FAM178B: variants seen among roughly 807,000 people sequenced by gnomAD.
FAM178B encodes the protein protein FAM178B.
FAM178B carries 82 observed loss-of-function variants against 91.7 expected under a neutral mutation model. The ratio of observed to expected loss-of-function variants is 0.89; its 90% CI spans 0.75 to 1.07. FAM178B has a LOEUF of 1.07. Among genes scored for constraint, FAM178B ranks in the 50% least tolerant of loss-of-function variants. The probability of loss-of-function intolerance (pLI) is 0.00; values close to 1 mark genes in which losing one functional copy is unlikely to be tolerated. For synonymous variants in FAM178B, 368 were observed against 359.4 expected, an observed-to-expected ratio of 1.02 and a Z score of -0.27; for missense variants, 769 against 846.7, an observed-to-expected ratio of 0.91 and a Z score of 1.14.
intron 14 of FAM178B, among the ~76,000 whole-genome samples, chr2:96,887,531 C>T (rs564042481): frequency 2.4e-4 from 37 of 152,262 alleles, no homozygotes; most frequent in African/African-American, 8.9e-4. Flanking sequence ...GTCTGGGCTC[C>T]GCAGGAAGGA....
intron 3 of FAM178B, 82 bp downstream of exon 3, chr2:96,971,819 G>C: frequency 7.6e-7 from 1 of 1,308,856 alleles, no homozygotes; most frequent in Non-Finnish European, 1.0e-6. Flanking sequence ...TGGCTCAGGA[G>C]AGGGTGGCCT....
At position 96,947,815 on chromosome 2, in the gene FAM178B, G is replaced by C. The variant is rs1234238802; in HGVS notation, c.1078+3C>G. ...AATCTCCACCCTGCATCCCAGTACT[G>C]ACCAGGCTGAAGGAAGATTCCATCC... On this transcript the variant is annotated splice_donor_region_variant and intron_variant, in intron 8 of 16. Transcript: ENST00000490605. The C allele has an allele frequency of 8.6e-5, 131 of 1,527,640 alleles. No individual in the cohort carries two copies. The highest frequency in any genetic ancestry group is 1.2e-4 in the Non-Finnish European group (130 of 1,125,566). 94.6% of individuals were successfully genotyped at this position (1,527,640 alleles called of 1,614,324 possible). A position where few individuals can be genotyped will look rare whatever the true frequency, so the allele number is the denominator to read the frequency against.
intron 5 of FAM178B, among the ~76,000 whole-genome samples, chr2:96,963,509 G>A (rs989023973): frequency 9.9e-5 from 15 of 152,232 alleles, no homozygotes; most frequent in Admixed American, 3.3e-4. Context: ...CATGTGGGAC[G>A]TCATGGCCGG....
At position 96,972,157 on chromosome 2, in the gene FAM178B, C is replaced by T. The variant is rs1226945896; in HGVS notation, c.308G>A (p.Gly103Glu). ...SPKKPKIQAP[G>E]ETFPTDWSPP... ...GCTCCAGTCAGTGGGAAACGTTTCC[C>T]CAGGTGCCTGTATCTTGGGCTTCTT... The change falls in exon 3 of 17, where the codon GGG becomes GAG. Residue 103 changes from glycine to glutamate, a missense_variant. By Grantham distance (98) the Gly-to-Glu change is moderately conservative (BLOSUM62 -2). Transcript: ENST00000490605. 6.5e-6 allele frequency: 10 copies of T among 1,543,622 alleles called. No homozygotes were observed. Among genetic ancestry groups the T allele is most frequent in the Non-Finnish European group, 8.7e-6 (10 of 1,143,428 alleles).
At chr2:96,884,697 A>G (rs2080473502) in intron 14 of FAM178B, among the ~76,000 whole-genome samples, 1 of 152,184 alleles carries the variant, frequency 6.6e-6, no homozygotes, top group African/African-American at 2.4e-5. Flanking sequence ...CGAGGCTGCC[A>G]TGTCTTCCCT....
intron 6 of FAM178B, among the ~76,000 whole-genome samples, chr2:96,958,646 C>T (rs1457404614): frequency 1.6e-5 from 2 of 125,834 alleles, no homozygotes; most frequent in South Asian, 2.6e-4. Flanking sequence ...GCCGAGATGG[C>T]GCCACTGCAC....
At chr2:96,916,531 A>C (rs1452283224) in intron 12 of FAM178B, among the ~76,000 whole-genome samples, 1 of 152,216 alleles carries the variant, frequency 6.6e-6, no homozygotes, top group Non-Finnish European at 1.5e-5. Flanking sequence ...CTTTCAGTAG[A>C]GTGCAAGCAG....
intron 9 of FAM178B, among the ~76,000 whole-genome samples, chr2:96,927,448 T>C (rs1201358278): frequency 6.6e-6 from 1 of 151,734 alleles, no homozygotes; most frequent in Non-Finnish European, 1.5e-5. Context: ...CCAAAAGAGG[T>C]AGATGTTAAA....
chr2:96,968,087 C>CT (rs541461423), intron 4 of FAM178B, among the ~76,000 whole-genome samples: 51 of 150,862 alleles, frequency 3.4e-4, no homozygotes, highest in Middle Eastern at 3.4e-3. Context: ...CGGATTCGTT[C>CT]TTTTTTTTTA....
At chr2:96,923,838 G>C (rs1459396605) in intron 9 of FAM178B, among the ~76,000 whole-genome samples, 1 of 152,214 alleles carries the variant, frequency 6.6e-6, no homozygotes, top group Non-Finnish European at 1.5e-5. Flanking sequence ...GAGCCTACAG[G>C]CTGGAGGGCC....
At chr2:96,954,844 A>G (rs1287850404) in intron 6 of FAM178B, among the ~76,000 whole-genome samples, 1 of 152,114 alleles carries the variant, frequency 6.6e-6, no homozygotes, top group Non-Finnish European at 1.5e-5. Context: ...GAGGCCAGGA[A>G]TTTGAGACCA....
At chr2:96,970,966 C>G (rs1051290768) in intron 3 of FAM178B, among the ~76,000 whole-genome samples, 189 bp from the exon 4 acceptor site, 1 of 151,952 alleles carries the variant, frequency 6.6e-6, no homozygotes, top group Non-Finnish European at 1.5e-5. Flanking sequence ...CCCATCCCCA[C>G]CCCCAGCCAC....
intron 6 of FAM178B, among the ~76,000 whole-genome samples, chr2:96,955,904 G>A (rs942719277): frequency 4.6e-5 from 7 of 152,176 alleles, no homozygotes; most frequent in East Asian, 3.8e-4. Flanking sequence ...AACAAGAGGC[G>A]GGGCTGCCGG....
chr2:96,986,138 G>T, intron 1 of FAM178B, 103 bp downstream of exon 1: 1 of 1,512,686 alleles, frequency 6.6e-7, no homozygotes, highest in Non-Finnish European at 8.8e-7. Context: ...CCGCACCGGG[G>T]CTGACCTGCA....
intron 9 of FAM178B, among the ~76,000 whole-genome samples, chr2:96,928,401 T>C (rs896015864): frequency 6.6e-6 from 1 of 152,128 alleles, no homozygotes; most frequent in Non-Finnish European, 1.5e-5. Context: ...TATTTATGCA[T>C]CACGTGGCAC....
At chr2:96,965,313 T>C (rs2082130156) in intron 5 of FAM178B, among the ~76,000 whole-genome samples, 1 of 151,846 alleles carries the variant, frequency 6.6e-6, no homozygotes, top group Non-Finnish European at 1.5e-5. Context: ...TCTGCCCTGG[T>C]TTTGTGGCTT....
chr2:96,956,662 G>C (rs2082004251), intron 6 of FAM178B: 1 of 152,124 alleles, frequency 6.6e-6, no homozygotes, highest in Admixed American at 6.5e-5. Context: ...AGAAAGTTAG[G>C]AATATAAAGG....
chr2:96,909,495 CCT>C (rs2081115553), intron 12 of FAM178B, among the ~76,000 whole-genome samples: 1 of 152,178 alleles, frequency 6.6e-6, no homozygotes, highest in African/African-American at 2.4e-5. Flanking sequence ...GCCACAGCCC[CCT>C]CATTCCCATC....
Position 96,912,056 on chromosome 2 carries a change from A to G in FAM178B, c.1562+9109T>C, listed in dbSNP as rs574541778. On this transcript the variant is annotated intron_variant, in intron 12 of 16. Transcript: ENST00000490605. Reference sequence around the variant, plus strand: ...CCCCAGAAAGTAGGCTCTGAAATGGATATTAGCAAGCAGGGAATTTACGTA... The same window carrying G: ...CCCCAGAAAGTAGGCTCTGAAATGGGTATTAGCAAGCAGGGAATTTACGTA... Among the ~76,000 whole-genome samples the G allele has an allele frequency of 2.6e-3, 391 of 152,236 alleles. 1 individual carries two copies. The highest frequency in any genetic ancestry group is 4.4e-3 in the Non-Finnish European group (302 of 68,008).
Sources: allele counts gnomAD v4.1 joint callset (sites outside exome capture counted in the v4.1 genomes callset), GRCh38; gene constraint gnomAD v4.1.1; transcripts MANE v1.5; gene names NCBI Gene and HGNC (gene_info 2026-07-23, HGNC 2026-07-21).